Variants in FMO2 observed in about 807,000 individuals in gnomAD.
The protein encoded by FMO2 is flavin-containing monooxygenase 2.
Under a neutral mutation model 41.6 loss-of-function variants are expected in FMO2, and 33 were observed. That is an observed-to-expected ratio of 0.79 (90% CI 0.60 to 1.06). The LOEUF (loss-of-function observed/expected upper bound fraction) is 1.06, where lower values mean the gene tolerates loss of function less well. Ranked by LOEUF, FMO2 falls within the 50% of genes least tolerant of loss-of-function variation. The probability of loss-of-function intolerance (pLI) is 0.00; values close to 1 mark genes in which losing one functional copy is unlikely to be tolerated. For missense variants in FMO2, 619 were observed against 632.9 expected, an observed-to-expected ratio of 0.98 and a Z score of 0.23; for synonymous variants, 214 against 219.6, an observed-to-expected ratio of 0.97 and a Z score of 0.23.
At chr1:171,204,675 C>T (rs546465019) in intron 6 of FMO2, among the ~76,000 whole-genome samples, 4 of 152,036 alleles carry the variant, frequency 2.6e-5, no homozygotes, top group East Asian at 1.9e-4. Context: ...ATAAGTGCCA[C>T]GTATCGTCTA....
intron 3 of FMO2, among the ~76,000 whole-genome samples, chr1:171,196,262 T>C (rs1276746837): frequency 6.6e-6 from 1 of 152,178 alleles, no homozygotes; most frequent in South Asian, 2.1e-4. Context: ...ATAACAAGGG[T>C]GATGCCAGTC....
At chr1:171,200,674 C>T (rs1013077331) in intron 5 of FMO2, among the ~76,000 whole-genome samples, 1 of 152,152 alleles carries the variant, frequency 6.6e-6, no homozygotes, top group African/African-American at 2.4e-5. Flanking sequence ...AGCCCGGGAA[C>T]AGAGCAGGTC....
chr1:171,188,818 A>T (rs1473311127), intron 2 of FMO2: 2 of 152,206 alleles, frequency 1.3e-5, no homozygotes, highest in Non-Finnish European at 2.9e-5. Flanking sequence ...CAACCCAGAC[A>T]ATAGAGTTCT....
Position 171,193,381 on chromosome 1 carries a change from C to G in FMO2, c.179C>G (p.Thr60Ser), listed in dbSNP as rs1658164454. 1 of 1,612,508 alleles carries G rather than the reference C, an allele frequency of 6.2e-7. No individual in the cohort carries two copies. The highest frequency in any genetic ancestry group is 1.3e-5 in the African/African-American group (1 of 74,450). The change falls in exon 3 of 9, where the codon ACC becomes AGC. Residue 60 changes from threonine (T) to serine (S), a missense_variant. Transcript: ENST00000209929. Reference sequence around the variant, plus strand: ...GCAAGTATCTATCAATCTGTCGTTACCAACACCAGCAAAGAAATGTCCTGT... The same window carrying G: ...GCAAGTATCTATCAATCTGTCGTTAGCAACACCAGCAAAGAAATGTCCTGT... Reference protein sequence around the residue: ...GRASIYQSVVTNTSKEMSCFS... With the variant: ...GRASIYQSVVSNTSKEMSCFS...
intron 2 of FMO2, chr1:171,188,847 C>G (rs1047983110): frequency 3.3e-5 from 5 of 152,164 alleles, no homozygotes; most frequent in Non-Finnish European, 5.9e-5. Context: ...CTCCAGCACC[C>G]CCTAGTGGCA....
At chr1:171,201,110 T>G (rs924770769) in intron 5 of FMO2, among the ~76,000 whole-genome samples, 2 of 152,204 alleles carry the variant, frequency 1.3e-5, no homozygotes, top group African/African-American at 4.8e-5. Flanking sequence ...TCTATATGCA[T>G]GCCTTACAGC....
At position 171,212,097 on chromosome 1, in the gene FMO2, C is replaced by T. The variant is rs577610542; in HGVS notation, c.*2952C>T. Among the ~76,000 whole-genome samples the T allele has an allele frequency of 2.0e-5, 3 of 152,206 alleles. No individual in the cohort carries two copies. Among genetic ancestry groups the T allele is most frequent in the African/African-American group, 7.2e-5 (3 of 41,458 alleles). ...CTGTAAAGAATGTCAATGGTTATCA[C>T]CTTCAATAGTTTCAATATGTCCCCC... On this transcript the variant is annotated 3_prime_UTR_variant, in exon 9 of 9. Coordinates refer to ENST00000209929, the MANE Select transcript of FMO2 (RefSeq NM_001460.5).
At chr1:171,194,985 T>C (rs1658240376) in intron 3 of FMO2, among the ~76,000 whole-genome samples, 1 of 152,248 alleles carries the variant, frequency 6.6e-6, no homozygotes, top group Non-Finnish European at 1.5e-5. Context: ...AGATTATGTA[T>C]ACCAGAAGGT....
intron 2 of FMO2, among the ~76,000 whole-genome samples, chr1:171,189,144 G>A (rs1219967408): frequency 6.6e-6 from 1 of 152,132 alleles, no homozygotes; most frequent in African/African-American, 2.4e-5. Flanking sequence ...TCTTCTTTCA[G>A]CCGCTAACCT....
chr1:171,199,513 T>C (rs1658448157), intron 5 of FMO2, 25 bp downstream of exon 5: 1 of 1,569,392 alleles, frequency 6.4e-7, no homozygotes, highest in African/African-American at 1.4e-5. Flanking sequence ...GCTTACCATG[T>C]ACCTGGAGGG....
chr1:171,203,765 T>A, intron 5 of FMO2, 100 bp from the exon 6 acceptor site: 1 of 1,021,396 alleles, frequency 9.8e-7, no homozygotes, highest in South Asian at 1.5e-5. Flanking sequence ...AGAACCTCTG[T>A]AAATTCTGGG....
chr1:171,190,233 A>T (rs28369823), intron 2 of FMO2, among the ~76,000 whole-genome samples: 53,406 of 152,044 alleles, frequency 0.35, 10,323 homozygotes, highest in East Asian at 0.55. Context: ...AGTCAAACAT[A>T]AACTTCAATT....
chr1:171,196,771 C>T lies in FMO2; in HGVS notation c.444C>T (p.Gly148=), dbSNP rs1658326808. ...TTGACGCAGTTATGGTTTGCAGTGG[C>T]CACCACATTCTACCTCATATCCCAC... ...AVFDAVMVCS[G]HHILPHIPLK... Residue 148 remains glycine, a synonymous_variant, in exon 4 of 9, where the codon GGC becomes GGT. Coordinates refer to ENST00000209929, the MANE Select transcript of FMO2 (RefSeq NM_001460.5). The T allele has an allele frequency of 4.3e-6, 7 of 1,613,572 alleles. No homozygotes were observed. Among genetic ancestry groups the T allele is most frequent in the African/African-American group, 2.7e-5 (2 of 75,028 alleles).
Position 171,208,934 on chromosome 1 carries a change from G to C in FMO2, c.1397G>C (p.Gly466Ala). The change falls in exon 9 of 9, where the codon GGA (glycine) becomes GCA (alanine). Residue 466 changes from glycine (G) to alanine (A), a missense_variant. Coordinates refer to ENST00000209929, the MANE Select transcript of FMO2 (RefSeq NM_001460.5). The part of the protein sequence containing the change: ...DPKLAVRLYF[G>A]PCNSYQYRLV... Reference sequence around the variant, plus strand: ...AAACTGGCTGTGAGACTCTATTTCGGACCCTGCAACTCCTATCAGTATCGC... The same window carrying C: ...AAACTGGCTGTGAGACTCTATTTCGCACCCTGCAACTCCTATCAGTATCGC... The C allele has an allele frequency of 6.2e-7, 1 of 1,613,894 alleles. No homozygotes were observed. Among genetic ancestry groups the C allele is most frequent in the Non-Finnish European group, 8.5e-7 (1 of 1,179,872 alleles).
intron 5 of FMO2, among the ~76,000 whole-genome samples, chr1:171,200,688 A>G (rs1439989364): frequency 1.3e-5 from 2 of 152,140 alleles, no homozygotes; most frequent in Non-Finnish European, 2.9e-5. Flanking sequence ...GCAGGTCACT[A>G]ACACCGGAAA....
rs1251005793 is a variant in FMO2 at position 171,208,960 on chromosome 1, C to T, written c.1423C>T (p.Leu475=). 4 of 1,612,162 alleles carry T rather than the reference C, an allele frequency of 2.5e-6. No homozygotes were observed. The highest frequency in any genetic ancestry group is 3.4e-6 in the Non-Finnish European group (4 of 1,179,058). The stretch of plus-strand genomic sequence containing the variant: ...ACCCTGCAACTCCTATCAGTATCGC[C>T]TGGTTGGGCCTGGGCAATGGGAAGG... ...FGPCNSYQYR[L]VGPGQWEGAR... The change falls in exon 9 of 9, where the codon CTG becomes TTG. Residue 475 remains leucine, a synonymous_variant. Coordinates refer to ENST00000209929, the MANE Select transcript of FMO2 (RefSeq NM_001460.5).
intron 2 of FMO2, chr1:171,188,907 T>A (rs764940706): frequency 6.6e-6 from 1 of 152,200 alleles, no homozygotes; most frequent in Admixed American, 6.5e-5. Flanking sequence ...TTTCGTTCTG[T>A]TTCCAGCAAC....
In FMO2 at chr1:171,205,578, G is replaced by C. The variant is rs1300119243; in HGVS notation, c.1127G>C (p.Gly376Ala). 6.2e-7 allele frequency: 1 copy of C among 1,613,162 alleles called. No homozygotes were observed. Among genetic ancestry groups the C allele is most frequent in the Admixed American group, 1.7e-5 (1 of 59,858 alleles). Reference sequence around the variant, plus strand: ...TGCATTGGTCTCATCCAGCCCCTAGGTTCCATTTTCCCAACTGCTGAACTT... The same window carrying C: ...TGCATTGGTCTCATCCAGCCCCTAGCTTCCATTTTCCCAACTGCTGAACTT... ...LACIGLIQPL[G>A]SIFPTAELQA... Residue 376 changes from glycine (G) to alanine (A), a missense_variant, in exon 7 of 9, where the codon GGT (glycine) becomes GCT (alanine). Gly to Ala is a moderately conservative substitution (Grantham distance 60, BLOSUM62 0). Transcript: ENST00000209929.
At chr1:171,187,913 C>A (rs369156648) in intron 2 of FMO2, among the ~76,000 whole-genome samples, 1 of 151,854 alleles carries the variant, frequency 6.6e-6, no homozygotes, top group Non-Finnish European at 1.5e-5. Context: ...TTATTAAAAG[C>A]TGATGATTAA....
Sources: gnomAD v4.1 joint callset for allele counts (sites outside exome capture counted in the v4.1 genomes callset) on GRCh38, gnomAD v4.1.1 for gene constraint, MANE v1.5 for transcripts, NCBI Gene and HGNC (gene_info 2026-07-23, HGNC 2026-07-21) for gene names.